SARDH: variants seen among roughly 807,000 people sequenced by gnomAD.
SARDH encodes the protein sarcosine dehydrogenase, mitochondrial.
SARDH carries 95 observed loss-of-function variants against 109.1 expected under a neutral mutation model. The ratio of observed to expected loss-of-function variants is 0.87; its 90% CI spans 0.74 to 1.03. The LOEUF is 1.03. Ranked by LOEUF, SARDH falls within the 50% of genes least tolerant of loss-of-function variation. The pLI is 0.00. For missense variants in SARDH, 1,267 were observed against 1,287.8 expected (o/e 0.98, Z 0.25); for synonymous variants, 572 against 534.8 (o/e 1.07, Z -0.96).
In SARDH at chr9:133,663,884, A is replaced by G. The variant is rs770434599; in HGVS notation, c.*5T>C. 34 of 1,613,932 alleles carry G rather than the reference A, an allele frequency of 2.1e-5. No individual in the cohort carries two copies. Among genetic ancestry groups the G allele is most frequent in the Non-Finnish European group, 2.7e-5 (32 of 1,179,976 alleles). ...AGCATGGGATGGGGCATGTGGTCTG[A>G]GCCCTCAGTAGATTCCCTTCACCCT... On this transcript the variant is annotated 3_prime_UTR_variant, in exon 21 of 21. Transcript: ENST00000439388.
chr9:133,695,440 C>T (rs1164925622), intron 14 of SARDH, among the ~76,000 whole-genome samples: 1 of 152,122 alleles, frequency 6.6e-6, no homozygotes, highest in East Asian at 1.9e-4. Flanking sequence ...GAGACTCCGT[C>T]TCAAAACAAA....
intron 19 of SARDH, among the ~76,000 whole-genome samples, chr9:133,668,425 TTCACCC>T (rs1321818316): frequency 9.9e-4 from 16 of 16,094 alleles, no homozygotes; most frequent in Non-Finnish European, 1.6e-3. Context: ...TCCCTCTCCC[TTCACCC>T]TCCCTCTCCC....
At chr9:133,694,961 T>C (rs895214146) in intron 14 of SARDH, among the ~76,000 whole-genome samples, 2 of 152,064 alleles carry the variant, frequency 1.3e-5, no homozygotes, top group African/African-American at 4.8e-5. Context: ...AGCAGGTGCC[T>C]GGGAGTCTGG....
chr9:133,729,890 A>G (rs1476631630), intron 5 of SARDH, 25 bp from the exon 6 acceptor site: 2 of 1,608,496 alleles, frequency 1.2e-6, no homozygotes, highest in South Asian at 2.2e-5. Flanking sequence ...CAGACAGCTC[A>G]GCTCTGCTGA....
At chr9:133,701,084 G>C (rs1462485619) in intron 13 of SARDH, among the ~76,000 whole-genome samples, 2 of 152,260 alleles carry the variant, frequency 1.3e-5, no homozygotes, top group Middle Eastern at 3.2e-3. Flanking sequence ...GGCAGTGGCA[G>C]AGTTATGGTC....
chr9:133,666,951 G>A lies in SARDH; in HGVS notation c.2496-81C>T, dbSNP rs560552730. 2.2e-4 allele frequency: 337 copies of A among 1,563,326 alleles called. No individual in the cohort carries two copies. Among genetic ancestry groups the A allele is most frequent in the Non-Finnish European group, 2.6e-4 (298 of 1,149,672 alleles). On this transcript the variant is annotated intron_variant, in intron 19 of 20. Transcript: ENST00000439388. This position sits in a 1 kb window ranked among gnomAD's most constrained non-coding sequence, Gnocchi z 5.2. The stretch of plus-strand genomic sequence containing the variant: ...TCCACAGCGGCCTGGAGGAGAATGG[G>A]GGGCTGCATGATGCACACCCAACCG...
In SARDH at chr9:133,703,072, C is replaced by T. The variant is rs763975631; in HGVS notation, c.1555-43G>A. 1.5e-5 allele frequency: 23 copies of T among 1,536,972 alleles called. No homozygotes were observed. The African/African-American group carries it at 2.4e-4, about 16-fold the overall frequency. ...GGTCCTCAGCCTGCCTCTTTGGCCC[C>T]TCCCCGCTTCCCTCCCCAGAGCGGG... is the stretch of plus-strand genomic sequence containing the variant. On this transcript the variant is annotated intron_variant, in intron 12 of 20. Coordinates refer to ENST00000439388, the MANE Select transcript of SARDH (RefSeq NM_001134707.2).
At chr9:133,699,266 G>C (rs748125903) in intron 13 of SARDH, among the ~76,000 whole-genome samples, 2 of 151,120 alleles carry the variant, frequency 1.3e-5, no homozygotes, top group Non-Finnish European at 2.9e-5. Context: ...TAATTACTTG[G>C]GAGGCTGAGG....
intron 17 of SARDH, among the ~76,000 whole-genome samples, chr9:133,673,420 A>G (rs1830416833): frequency 6.6e-6 from 1 of 152,186 alleles, no homozygotes. Flanking sequence ...AGCTGATTCC[A>G]CCACTGCTCT....
In SARDH at chr9:133,712,258, C is replaced by A. The variant is rs1194885133; in HGVS notation, c.1328+361G>T. Among the ~76,000 whole-genome samples the A allele has an allele frequency of 6.6e-6, 1 of 152,188 alleles. No homozygotes were observed. The highest frequency in any genetic ancestry group is 1.5e-5 in the Non-Finnish European group (1 of 68,032). On this transcript the variant is annotated intron_variant, in intron 10 of 20. Coordinates refer to ENST00000439388, the MANE Select transcript of SARDH (RefSeq NM_001134707.2). The surrounding 1 kb of genome is among the most constrained non-coding windows in gnomAD (Gnocchi z 4.1). ...GGGGCTGCCTGGCTGCAAGCCGCGG[C>A]ATACACACTCAGCACAGTTTTCCCA...
Position 133,703,009 on chromosome 9 carries a change from G to A in SARDH, c.1575C>T (p.Tyr525=), listed in dbSNP as rs770269788. ...GPAPVLEYDY[Y]GAYGSRAHED... ...CGTGCGCGCGGCTCCCGTAAGCCCC[G>A]TAGTAGTCGTACTCGAGGACCTGGG... is the stretch of plus-strand genomic sequence containing the variant. The change falls in exon 13 of 21, where the codon TAC becomes TAT. Residue 525 remains tyrosine (Y), a synonymous_variant. Coordinates refer to ENST00000439388, the MANE Select transcript of SARDH (RefSeq NM_001134707.2). 11 of 1,613,316 alleles carry A rather than the reference G, an allele frequency of 6.8e-6. No individual in the cohort carries two copies. In the Admixed American group the frequency reaches 1.3e-4, roughly 20 times the overall value.
chr9:133,712,255 C>T lies in SARDH; in HGVS notation c.1328+364G>A, dbSNP rs756681. 0.046 allele frequency among the ~76,000 whole-genome samples: 7,042 copies of T among 152,218 alleles called. 209 individuals carry two copies. Among genetic ancestry groups the T allele is most frequent in the East Asian group, 0.09 (461 of 5,148 alleles). On this transcript the variant is annotated intron_variant, in intron 10 of 20. Transcript: ENST00000439388. The surrounding 1 kb of genome is among the most constrained non-coding windows in gnomAD (Gnocchi z 4.1). ...GCCGGGGCTGCCTGGCTGCAAGCCG[C>T]GGCATACACACTCAGCACAGTTTTC...
chr9:133,720,971 G>A (rs1243762291), intron 6 of SARDH, among the ~76,000 whole-genome samples: 1 of 152,086 alleles, frequency 6.6e-6, no homozygotes, highest in African/African-American at 2.4e-5. Context: ...CAGCGATTAG[G>A]CTAAAAGAAA....
In SARDH at chr9:133,717,655, C is replaced by T. The variant is rs1473770985; in HGVS notation, c.1021-200G>A. Reference sequence around the variant, plus strand: ...AGCAAGGTCTGTCTGCTCCCCCTCCCCACCCCAGCCCAGGCCTCCACCCAC... The same window carrying T: ...AGCAAGGTCTGTCTGCTCCCCCTCCTCACCCCAGCCCAGGCCTCCACCCAC... On this transcript the variant is annotated intron_variant, in intron 7 of 20. Coordinates refer to ENST00000439388, the MANE Select transcript of SARDH (RefSeq NM_001134707.2). 2.0e-5 allele frequency among the ~76,000 whole-genome samples: 3 copies of T among 152,110 alleles called. No individual in the cohort carries two copies. The East Asian group carries it at 5.8e-4, about 29-fold the overall frequency.
intron 8 of SARDH, among the ~76,000 whole-genome samples, chr9:133,716,280 G>T (rs527274851): frequency 6.6e-6 from 1 of 152,230 alleles, no homozygotes; most frequent in East Asian, 1.9e-4. Context: ...GGCCCTGAGC[G>T]TGCCTGCCTC....
intron 17 of SARDH, among the ~76,000 whole-genome samples, chr9:133,681,250 G>A (rs924264347): frequency 6.6e-6 from 1 of 152,198 alleles, no homozygotes; most frequent in African/African-American, 2.4e-5. Context: ...AGCTGATGTG[G>A]GCTCCCGGCT....
At chr9:133,670,305 G>A (rs1830293668) in intron 19 of SARDH, among the ~76,000 whole-genome samples, 1 of 150,030 alleles carries the variant, frequency 6.7e-6, no homozygotes, top group Admixed American at 6.6e-5. Context: ...CTCCGGCCTG[G>A]GCAATAGAGT....
intron 2 of SARDH, among the ~76,000 whole-genome samples, chr9:133,733,458 T>C (rs1036066076): frequency 1.3e-5 from 2 of 152,202 alleles, no homozygotes; most frequent in Non-Finnish European, 2.9e-5. Flanking sequence ...CTGGTGCTCA[T>C]GGAGGACACA....
intron 11 of SARDH, among the ~76,000 whole-genome samples, chr9:133,706,632 C>T (rs773402250): frequency 4.6e-5 from 7 of 152,160 alleles, no homozygotes; most frequent in African/African-American, 1.2e-4. Flanking sequence ...ATCACAACAA[C>T]GAATGTAATG....
Sources: allele counts gnomAD v4.1 joint callset (sites outside exome capture counted in the v4.1 genomes callset), GRCh38; gene constraint gnomAD v4.1.1; non-coding constraint Gnocchi (gnomAD v3.1); transcripts MANE v1.5; gene names NCBI Gene and HGNC (gene_info 2026-07-23, HGNC 2026-07-21).